Variants in MIA2 observed in about 807,000 individuals in gnomAD.
MIA2 encodes melanoma inhibitory activity protein 2.
Under a neutral mutation model 167.8 loss-of-function variants are expected in MIA2, and 127 were observed. The ratio of observed to expected loss-of-function variants is 0.76; its 90% CI spans 0.66 to 0.88. The LOEUF (loss-of-function observed/expected upper bound fraction) is 0.88, where lower values mean the gene tolerates loss of function less well. Among genes scored for constraint, MIA2 ranks in the 40% least tolerant of loss-of-function variants. The pLI, the probability that MIA2 is intolerant of heterozygous loss-of-function variation, is 0.00. For synonymous variants in MIA2, 552 were observed against 541.9 expected, an observed-to-expected ratio of 1.02 and a Z score of -0.26; for missense variants, 1,690 against 1,624.7, an observed-to-expected ratio of 1.04 and a Z score of -0.69.
intron 13 of MIA2, among the ~76,000 whole-genome samples, chr14:39,295,441 TTTC>T (rs1438963113): frequency 6.6e-6 from 1 of 152,202 alleles, no homozygotes; most frequent in Non-Finnish European, 1.5e-5. Flanking sequence ...CCCACGTATA[TTTC>T]TTCTTCTCCT....
chr14:39,366,396 G>A (rs1200255156), intron 23 of MIA2, among the ~76,000 whole-genome samples: 1 of 152,210 alleles, frequency 6.6e-6, no homozygotes, highest in Non-Finnish European at 1.5e-5. Context: ...TGTATCATGA[G>A]CAATGTCTGT....
downstream of MIA2, among the ~76,000 whole-genome samples, chr14:39,355,681 G>C (rs570373963): frequency 2.6e-3 from 403 of 152,146 alleles, 1 homozygote; most frequent in African/African-American, 8.3e-3. Flanking sequence ...ATGATATTGG[G>C]TGTGGGTTTG....
rs1370144710 is a variant in MIA2 at position 39,236,961 on chromosome 14, G to A, written c.155G>A (p.Gly52Glu). Reference protein sequence around the residue: ...NRVSAMRDYRGPDCRYLNFTK... With the variant: ...NRVSAMRDYREPDCRYLNFTK... ...GTCTCAGCCATGAGAGATTATAGAG[G>A]ACCTGACTGCCGATACCTGAACTTC... The change falls in exon 2 of 29, where the codon GGA (glycine) becomes GAA (glutamate). Residue 52 changes from glycine (G) to glutamate (E), a missense_variant. By Grantham distance (98) the Gly-to-Glu change is moderately conservative (BLOSUM62 -2). Transcript: ENST00000640607. 7 of 1,613,898 alleles carry A rather than the reference G, an allele frequency of 4.3e-6. No individual in the cohort carries two copies. Among genetic ancestry groups the A allele is most frequent in the Non-Finnish European group, 5.9e-6 (7 of 1,179,910 alleles).
At chr14:39,290,439 T>G (rs2060577819) in intron 9 of MIA2, among the ~76,000 whole-genome samples, 1 of 152,190 alleles carries the variant, frequency 6.6e-6, no homozygotes, top group Non-Finnish European at 1.5e-5. Context: ...TGAAGTGCAT[T>G]TTGCCAAATC....
chr14:39,345,353 T>A (rs553326794), intron 25 of MIA2, among the ~76,000 whole-genome samples: 4 of 152,132 alleles, frequency 2.6e-5, no homozygotes, highest in African/African-American at 9.7e-5. Context: ...GTATTACAGG[T>A]GTGAGCCACC....
chr14:39,260,854 A>G (rs940686481), intron 6 of MIA2, among the ~76,000 whole-genome samples: 1 of 152,218 alleles, frequency 6.6e-6, no homozygotes, highest in African/African-American at 2.4e-5. Context: ...TATCATTTAA[A>G]TCTTTAATCC....
intron 6 of MIA2, among the ~76,000 whole-genome samples, chr14:39,271,901 G>A (rs1410504143): frequency 6.6e-6 from 1 of 152,134 alleles, no homozygotes; most frequent in African/African-American, 2.4e-5. Flanking sequence ...GGAATGCAGG[G>A]GGTGGTTCCC....
chr14:39,293,502 G>A (rs1191943634), intron 11 of MIA2, 121 bp downstream of exon 11: 2 of 656,938 alleles, frequency 3.0e-6, no homozygotes, highest in Admixed American at 7.1e-5. Context: ...ACAGGTGGTT[G>A]TAGAGAGCAA....
rs1024298522 is a variant in MIA2, at chr14:39,342,464, A to G, written c.3656-3440A>G. Among the ~76,000 whole-genome samples the G allele has an allele frequency of 7.9e-5, 12 of 152,196 alleles. 1 individual carries two copies. The highest frequency in any genetic ancestry group is 4.6e-4 in the Admixed American group (7 of 15,278). On this transcript the variant is annotated intron_variant, in intron 25 of 28. Transcript: ENST00000640607. ...CTTTGCTATTGTGAATAGTGCCTCA[A>G]TAAACATATGTGTGCATGTGTCTTT...
At position 39,345,922 on chromosome 14, in the gene MIA2, C is replaced by A; in HGVS notation, c.3674C>A (p.Ser1225Ter). 1 of 1,610,870 alleles carries A rather than the reference C, an allele frequency of 6.2e-7. No homozygotes were observed. Among genetic ancestry groups the A allele is most frequent in the East Asian group, 2.2e-5 (1 of 44,802 alleles). The change falls in exon 26 of 29, where the codon TCA becomes TAA. Residue 1225 changes from serine to a stop codon, truncating the protein, a stop_gained. Transcript: ENST00000640607. LOFTEE classifies it high-confidence loss of function. ...FPPPGQSYPD[S>*]ALPPQRQDRF... ...TTTCTAGGACAATCATATCCTGATT[C>A]AGCCCTTCCTCCACAAAGGCAAGAC...
intron 25 of MIA2, among the ~76,000 whole-genome samples, chr14:39,337,450 A>G (rs563252217): frequency 1.3e-5 from 2 of 152,346 alleles, no homozygotes; most frequent in South Asian, 4.1e-4. Context: ...ACTGACATTT[A>G]TAGAACAAGT....
At chr14:39,370,424 T>C (rs1231766232) in intron 23 of MIA2, 1 of 237,792 alleles carries the variant, frequency 4.2e-6, no homozygotes, top group East Asian at 1.1e-4. Context: ...CCTGACAAAC[T>C]CTCCATTGAG....
At chr14:39,335,800 A>G (rs2070254153) in intron 25 of MIA2, among the ~76,000 whole-genome samples, 1 of 152,058 alleles carries the variant, frequency 6.6e-6, no homozygotes, top group South Asian at 2.1e-4. Flanking sequence ...GTCTCTTGTT[A>G]TCATCTTTAT....
intron 25 of MIA2, among the ~76,000 whole-genome samples, chr14:39,338,124 G>A (rs985953229): frequency 6.6e-6 from 1 of 152,172 alleles, no homozygotes; most frequent in Non-Finnish European, 1.5e-5. Flanking sequence ...TGACTGTAAA[G>A]GGGTGGCACG....
At chr14:39,385,436 C>G in intron 23 of MIA2, 2 of 1,312,730 alleles carry the variant, frequency 1.5e-6, no homozygotes, top group South Asian at 1.2e-5. Flanking sequence ...CTTGGAGATT[C>G]AATCATCAGT....
chr14:39,275,137 C>CG (rs2057784016), intron 6 of MIA2, among the ~76,000 whole-genome samples: 2 of 10,518 alleles, frequency 1.9e-4, no homozygotes, highest in African/African-American at 6.0e-4. Flanking sequence ...TTCCTTAATC[C>CG]TTTGTGTGTG....
At chr14:39,293,441 T>C in intron 11 of MIA2, 60 bp downstream of exon 11, 1 of 1,126,628 alleles carries the variant, frequency 8.9e-7, no homozygotes. Flanking sequence ...CTTTAAAAAA[T>C]TAATATGATA....
At chr14:39,278,632 C>G (rs940525147) in intron 7 of MIA2, among the ~76,000 whole-genome samples, 1 of 152,146 alleles carries the variant, frequency 6.6e-6, no homozygotes, top group Non-Finnish European at 1.5e-5. Flanking sequence ...TTTACTGTTT[C>G]TTTAGTCAGT....
In MIA2 at chr14:39,277,631, G is replaced by C. The variant is rs554690250; in HGVS notation, c.2019+566G>C. Among the ~76,000 whole-genome samples the C allele has an allele frequency of 4.0e-4, 54 of 136,006 alleles. No individual in the cohort carries two copies. In the Middle Eastern group the frequency reaches 0.016, roughly 41 times the overall value. The allele number at this position is 136,006 out of a possible 152,430, so 89.2% of individuals were successfully genotyped here. On this transcript the variant is annotated intron_variant, in intron 7 of 28. Coordinates refer to ENST00000640607, the MANE Select transcript of MIA2 (RefSeq NM_001329214.4). ...CCCAAAGTCTTGGGATTACAGGTTT[G>C]AGCCACCATGCTCAACTGGAATCTT...
Sources: allele counts gnomAD v4.1 joint callset (sites outside exome capture counted in the v4.1 genomes callset), GRCh38; gene constraint gnomAD v4.1.1; transcripts MANE v1.5; gene names NCBI Gene and HGNC (gene_info 2026-07-23, HGNC 2026-07-21).